Variants in COCH observed in about 807,000 individuals in gnomAD.
COCH encodes the protein coagulation factor C homolog, cochlin (Limulus polyphemus).
A neutral mutation model predicts 54.8 loss-of-function variants in COCH; 40 were observed. The ratio of observed to expected loss-of-function variants is 0.73; its 90% confidence interval spans 0.57 to 0.95. COCH has a LOEUF of 0.95. COCH is among the 40% of genes least tolerant of loss of function. COCH has a pLI of 0.00. For synonymous variants in COCH, 256 were observed against 237.9 expected (o/e 1.08, Z -0.70); for missense variants, 605 against 675.0 (o/e 0.90, Z 1.15).
Position 30,884,561 on chromosome 14 carries a change from C to T in COCH, c.638C>T (p.Pro213Leu). ...HVGLVQASEHPKIEFYLKNFT... is the reference protein window; with the variant it reads ...HVGLVQASEHLKIEFYLKNFT... Reference sequence around the variant, plus strand: ...TTCTTTCTTCCACTCAGTGAACATCCCAAAATAGAATTTTACTTGAAAAAC... The same window carrying T: ...TTCTTTCTTCCACTCAGTGAACATCTCAAAATAGAATTTTACTTGAAAAAC... Residue 213 changes from proline (P) to leucine (L), a missense_variant, in exon 9 of 12, where the codon CCC (proline) becomes CTC (leucine). Transcript: ENST00000396618. 6.2e-7 allele frequency: 1 copy of T among 1,610,590 alleles called. No homozygotes were observed. The highest frequency in any genetic ancestry group is 2.2e-5 in the East Asian group (1 of 44,766).
At chr14:30,875,211 G>T (rs1456167265) in intron 3 of COCH, 108 bp downstream of exon 3, 64 of 1,448,978 alleles carry the variant, frequency 4.4e-5, no homozygotes, top group Non-Finnish European at 5.9e-5. Flanking sequence ...ACCGCCTGAG[G>T]AGGAAGGCGC....
chr14:30,893,559 T>G (rs1451295720), downstream of COCH, among the ~76,000 whole-genome samples: 1 of 152,218 alleles, frequency 6.6e-6, no homozygotes, highest in South Asian at 2.1e-4. Context: ...AACACTGCCA[T>G]TAATTGAAAT....
chr14:30,888,712 G>A (rs1168819450), intron 11 of COCH, among the ~76,000 whole-genome samples: 3 of 151,262 alleles, frequency 2.0e-5, no homozygotes, highest in Non-Finnish European at 2.9e-5. Flanking sequence ...GATAGTTTGA[G>A]CCCAGGAAGT....
At position 30,877,020 on chromosome 14, in the gene COCH, C is replaced by A. The variant is rs1418454615; in HGVS notation, c.83-552C>A. 1.3e-5 allele frequency among the ~76,000 whole-genome samples: 2 copies of A among 151,960 alleles called. No individual in the cohort carries two copies. Among genetic ancestry groups the A allele is most frequent in the Non-Finnish European group, 2.9e-5 (2 of 68,002 alleles). On this transcript the variant is annotated intron_variant, in intron 3 of 11. Transcript: ENST00000396618. The surrounding 1 kb of genome is among the most constrained non-coding windows in gnomAD (Gnocchi z 8.6). ...ATGAGGTCTTGCTATGTTGTCCAGA[C>A]TGGTCTTGACCTCCTGGACTCAAGC...
Position 30,885,588 on chromosome 14 carries a change from G to C in COCH, c.928G>C (p.Gly310Arg). The C allele has an allele frequency of 6.2e-7, 1 of 1,608,582 alleles. No individual in the cohort carries two copies. The highest frequency in any genetic ancestry group is 8.5e-7 in the Non-Finnish European group (1 of 1,174,998). ...GGCCAAGCCTATCCCTGAAGAACTG[G>C]GGATGGTTCAGGATGTCACATTTGT... ...SVAKPIPEELGMVQDVTFVDK... is the reference protein window; with the variant it reads ...SVAKPIPEELRMVQDVTFVDK... The change falls in exon 10 of 12, where the codon GGG (glycine) becomes CGG (arginine). Residue 310 changes from glycine (G) to arginine (R), a missense_variant. Physicochemically the swap from Gly to Arg is moderately radical, Grantham distance 125 (BLOSUM62 -2). Coordinates refer to ENST00000396618, the MANE Select transcript of COCH (RefSeq NM_004086.3).
At chr14:30,894,196 T>C (rs1233724327), downstream of COCH, 2 of 152,582 alleles carry the variant, frequency 1.3e-5, no homozygotes, top group South Asian at 4.1e-4. Flanking sequence ...CTGATTCAAC[T>C]ATTTTTGTAT....
intron 9 of COCH, 37 bp downstream of exon 9, chr14:30,884,693 G>A (rs2138870914): frequency 6.8e-7 from 1 of 1,466,476 alleles, no homozygotes; most frequent in Non-Finnish European, 9.6e-7. Flanking sequence ...TAACATAGGA[G>A]AGGGTTATCA....
At chr14:30,892,425 GA>G (rs2138908134), downstream of COCH, among the ~76,000 whole-genome samples, 1 of 152,216 alleles carries the variant, frequency 6.6e-6, no homozygotes, top group South Asian at 2.1e-4. Context: ...CAAAAAAGAA[GA>G]AACAGAAGAG....
At chr14:30,876,308 C>G (rs1249429522) in intron 3 of COCH, 1 of 152,134 alleles carries the variant, frequency 6.6e-6, no homozygotes, top group Non-Finnish European at 1.5e-5. Context: ...TTCCTAGCAT[C>G]ATTTATAGTA....
intron 8 of COCH, 59 bp from the exon 9 acceptor site, chr14:30,884,494 A>G (rs1895714234): frequency 8.5e-7 from 1 of 1,170,582 alleles, no homozygotes; most frequent in Non-Finnish European, 1.3e-6. Flanking sequence ...AAGGCATGTA[A>G]TGTTGCTTAT....
chr14:30,889,138 T>C (rs1195661294), intron 11 of COCH: 3 of 157,266 alleles, frequency 1.9e-5, no homozygotes, highest in African/African-American at 7.2e-5. Flanking sequence ...ACTTTTGCTA[T>C]TTACTTATCC....
At chr14:30,882,118 TGG>T in intron 8 of COCH, among the ~76,000 whole-genome samples, 1 of 132,134 alleles carries the variant, frequency 7.6e-6, no homozygotes, top group African/African-American at 2.9e-5. Context: ...CACTATAAAA[TGG>T]TTTTTTTTTT....
rs1895383017 is a variant in COCH at position 30,877,063 on chromosome 14, C to T, written c.83-509C>T. Among the ~76,000 whole-genome samples the T allele has an allele frequency of 6.6e-6, 1 of 151,986 alleles. No individual in the cohort carries two copies. Among genetic ancestry groups the T allele is most frequent in the Non-Finnish European group, 1.5e-5 (1 of 68,020 alleles). ...ACTCAAGCAAATCCTCTTGTCTTGG[C>T]CTGCTAAAGTGCTGGGATTATAGGC... is the stretch of plus-strand genomic sequence containing the variant. On this transcript the variant is annotated intron_variant, in intron 3 of 11. Transcript: ENST00000396618. The surrounding 1 kb of genome is among the most constrained non-coding windows in gnomAD (Gnocchi z 8.6).
rs760837124 is a variant in COCH, at chr14:30,884,626, G to A, written c.703G>A (p.Val235Ile). The A allele has an allele frequency of 6.2e-7, 1 of 1,613,532 alleles. No homozygotes were observed. Among genetic ancestry groups the A allele is most frequent in the Admixed American group, 1.7e-5 (1 of 60,012 alleles). Residue 235 changes from valine to isoleucine, a missense_variant, in exon 9 of 12, where the codon GTA becomes ATA. Coordinates refer to ENST00000396618, the MANE Select transcript of COCH (RefSeq NM_004086.3). ...AKDVLFAIKEVGFRGGNSNTG... is the reference protein window; with the variant it reads ...AKDVLFAIKEIGFRGGNSNTG... ...AGATGTTTTGTTTGCCATAAAGGAA[G>A]TAGGTTTCAGAGGGGGTAATTCCAA... is the stretch of plus-strand genomic sequence containing the variant.
intron 3 of COCH, 131 bp downstream of exon 3, chr14:30,875,234 G>A (rs1182244263): frequency 6.4e-6 from 8 of 1,249,780 alleles, no homozygotes; most frequent in African/African-American, 1.5e-5. Flanking sequence ...AGGTTGAGCC[G>A]CCGCGTGGCG....
Position 30,877,880 on chromosome 14 carries a change from T to C in COCH, c.239+152T>C, listed in dbSNP as rs989070663. The C allele has an allele frequency of 9.4e-6, 13 of 1,382,906 alleles. No individual in the cohort carries two copies. The highest frequency in any genetic ancestry group is 1.3e-5 in the Non-Finnish European group (13 of 1,016,644). The allele number at this position is 1,382,906 out of a possible 1,614,324, so 85.7% of individuals were successfully genotyped here. The stretch of plus-strand genomic sequence containing the variant: ...GATATATTTTCACGGTTCTCCTGGA[T>C]ATACTTGAAACACCAAATACACATG... On this transcript the variant is annotated intron_variant, in intron 4 of 11. Coordinates refer to ENST00000396618, the MANE Select transcript of COCH (RefSeq NM_004086.3). The surrounding 1 kb of genome is among the most constrained non-coding windows in gnomAD (Gnocchi z 8.6).
downstream of COCH, among the ~76,000 whole-genome samples, chr14:30,892,351 A>G (rs1472749099): frequency 6.6e-6 from 1 of 152,156 alleles, no homozygotes; most frequent in African/African-American, 2.4e-5. Context: ...GATCAATGAT[A>G]ATGTACTGGG....
chr14:30,879,452 G>A lies in COCH; in HGVS notation c.403G>A (p.Gly135Arg), dbSNP rs28400035. The change falls in exon 6 of 12, where the codon GGA (glycine) becomes AGA (arginine). Residue 135 changes from glycine to arginine, a missense_variant. Coordinates refer to ENST00000396618, the MANE Select transcript of COCH (RefSeq NM_004086.3). Reference protein sequence around the residue: ...KGKSSTQEATGQAVSTAHPPT... With the variant: ...KGKSSTQEATRQAVSTAHPPT... ...CAAAAGTAGTACACAGGAGGCCACA[G>A]GACAAGCAGTGTCCACAGCACATCC... is the stretch of plus-strand genomic sequence containing the variant. 33 of 1,614,064 alleles carry A rather than the reference G, an allele frequency of 2.0e-5. No individual in the cohort carries two copies. The African/African-American group carries it at 4.1e-4, about 20-fold the overall frequency.
At chr14:30,889,300 T>C (rs1895901180) in intron 11 of COCH, 1 of 318,554 alleles carries the variant, frequency 3.1e-6, no homozygotes, top group Non-Finnish European at 6.0e-6. Flanking sequence ...TTAAAAGTCT[T>C]CTTCTATTCC....
Sources: gnomAD v4.1 joint callset for allele counts (sites outside exome capture counted in the v4.1 genomes callset) on GRCh38, gnomAD v4.1.1 for gene constraint, Gnocchi (gnomAD v3.1) non-coding constraint, MANE v1.5 for transcripts, NCBI Gene and HGNC (gene_info 2026-07-23, HGNC 2026-07-21) for gene names.